The following SLC24A2 variants were observed in gnomAD, a reference collection of about 807,000 sequenced individuals.
The protein encoded by SLC24A2 is solute carrier family 24 member 2, also known as sodium/potassium/calcium exchanger 2.
In SLC24A2, 36 loss-of-function variants were observed where a neutral mutation model predicts 62.0. The ratio of observed to expected loss-of-function variants is 0.58; its 90% CI spans 0.44 to 0.77. The LOEUF (loss-of-function observed/expected upper bound fraction) is 0.77, where lower values mean the gene tolerates loss of function less well. SLC24A2 is among the 30% of genes least tolerant of loss of function. The pLI is 0.00. For missense variants in SLC24A2, 846 were observed against 817.9 expected, an observed-to-expected ratio of 1.03 and a Z score of -0.42; for synonymous variants, 358 against 294.0, an observed-to-expected ratio of 1.22 and a Z score of -2.23.
intron 2 of SLC24A2, among the ~76,000 whole-genome samples, chr9:19,636,319 CTTTCTTTCTTTCTTTCTTTCTTT>C (rs1818332954): frequency 1.4e-4 from 6 of 43,472 alleles, no homozygotes; most frequent in African/African-American, 3.1e-4. Context: ...CTTTTCTTTT[CTTTCTTTCTTTCTTTCTTTCTTT>C]CTTTCTTTCT....
chr9:19,888,846 CAA>C, the SLC24A2 span, among the ~76,000 whole-genome samples: 2 of 152,128 alleles, frequency 1.3e-5, no homozygotes, highest in African/African-American at 4.8e-5. Flanking sequence ...GACAGGAAAA[CAA>C]GGACAACTGG....
the SLC24A2 span, among the ~76,000 whole-genome samples, chr9:20,025,980 G>C: frequency 1.3e-5 from 2 of 152,122 alleles, no homozygotes; most frequent in African/African-American, 4.8e-5. Flanking sequence ...TGATAGTAAG[G>C]AATATTATGT....
At chr9:20,054,992 T>A in the SLC24A2 span, among the ~76,000 whole-genome samples, 3 of 152,244 alleles carry the variant, frequency 2.0e-5, no homozygotes, top group Admixed American at 2.0e-4. Context: ...TCATTCTGTT[T>A]ACCTGCACCA....
At chr9:19,915,436 T>C in the SLC24A2 span, among the ~76,000 whole-genome samples, 1 of 152,134 alleles carries the variant, frequency 6.6e-6, no homozygotes, top group African/African-American at 2.4e-5. Flanking sequence ...TTCAATTCTC[T>C]TGGGCATATA....
chr9:19,786,156 C>G lies in SLC24A2; in HGVS notation c.711G>C (p.Pro237=), dbSNP rs371241265. 6.2e-7 allele frequency: 1 copy of G among 1,614,092 alleles called. No individual in the cohort carries two copies. The highest frequency in any genetic ancestry group is 8.5e-7 in the Non-Finnish European group (1 of 1,180,014). The change falls in exon 2 of 11, where the codon CCG becomes CCC. Residue 237 remains proline, a synonymous_variant. Coordinates refer to ENST00000341998, the MANE Select transcript of SLC24A2 (RefSeq NM_020344.4). This position sits in a 1 kb window ranked among gnomAD's most constrained non-coding sequence, Gnocchi z 5.0. ...TGTAGAAAGACACATCTCGAAAGAG[C>G]GGCCACCATGTCAGGTTTAAGATTT... ...SREILNLTWW[P]LFRDVSFYIV... is the part of the protein sequence containing the mutation.
chr9:19,756,927 A>G, intron 2 of SLC24A2, among the ~76,000 whole-genome samples: 1 of 8,254 alleles, frequency 1.2e-4, no homozygotes, highest in Admixed American at 1.6e-3. Flanking sequence ...TTTTTTTTTT[A>G]GAGACAATGG....
chr9:20,148,991 T>TCA, the SLC24A2 span, among the ~76,000 whole-genome samples: 1 of 151,848 alleles, frequency 6.6e-6, no homozygotes, highest in East Asian at 1.9e-4. Flanking sequence ...ACTCGGGGGG[T>TCA]TTTCTTCAAC....
chr9:19,559,588 T>C (rs370257936), intron 7 of SLC24A2, among the ~76,000 whole-genome samples: 1 of 152,250 alleles, frequency 6.6e-6, no homozygotes, highest in Admixed American at 6.5e-5. Context: ...GAAGGTAAAA[T>C]TACCAAAAGT....
At chr9:19,542,559 C>A (rs147448574) in intron 8 of SLC24A2, among the ~76,000 whole-genome samples, 1 of 152,110 alleles carries the variant, frequency 6.6e-6, no homozygotes, top group East Asian at 1.9e-4. Flanking sequence ...CCATTCAGTA[C>A]GATATTGGCT....
intron 2 of SLC24A2, among the ~76,000 whole-genome samples, chr9:19,671,077 C>G: frequency 1.1e-5 from 1 of 90,802 alleles, no homozygotes; most frequent in Admixed American, 1.4e-4. Context: ...CCAAACATCA[C>G]ATGTGAAGAA....
the SLC24A2 span, among the ~76,000 whole-genome samples, chr9:19,990,635 CA>C: frequency 0.01 from 1,177 of 116,734 alleles, 19 homozygotes; most frequent in African/African-American, 0.028. Flanking sequence ...AAAAACAAAA[CA>C]AAAAAAAAAA....
the SLC24A2 span, among the ~76,000 whole-genome samples, chr9:20,130,477 G>T: frequency 6.6e-6 from 1 of 151,900 alleles, no homozygotes; most frequent in Admixed American, 6.6e-5. Context: ...AGTCTTCCAG[G>T]CAAAGGAAAC....
At chr9:19,702,956 A>AT (rs1237001975) in intron 2 of SLC24A2, among the ~76,000 whole-genome samples, 2 of 150,400 alleles carry the variant, frequency 1.3e-5, no homozygotes, top group African/African-American at 4.9e-5. Context: ...AAAAATAATA[A>AT]TTTTTAAAAA....
chr9:19,793,558 G>A (rs187268394), upstream of SLC24A2, among the ~76,000 whole-genome samples: 78 of 152,322 alleles, frequency 5.1e-4, no homozygotes, highest in Non-Finnish European at 8.7e-4. Flanking sequence ...AAAGGGAACT[G>A]ATATGTTACA....
chr9:20,297,186 C>A, the SLC24A2 span, among the ~76,000 whole-genome samples: 1 of 152,158 alleles, frequency 6.6e-6, no homozygotes, highest in Admixed American at 6.5e-5. Context: ...AAAGAACATC[C>A]TCATGACCAA....
the SLC24A2 span, among the ~76,000 whole-genome samples, chr9:19,861,911 A>G: frequency 6.6e-6 from 1 of 152,146 alleles, no homozygotes; most frequent in Non-Finnish European, 1.5e-5. Flanking sequence ...CAAAAGAAAA[A>G]AAGAATAAAA....
intron 2 of SLC24A2, among the ~76,000 whole-genome samples, chr9:19,631,451 T>C (rs761496073): frequency 6.6e-6 from 1 of 152,204 alleles, no homozygotes; most frequent in Non-Finnish European, 1.5e-5. Context: ...ACTCCTGTGT[T>C]AAAGACATCA....
the SLC24A2 span, among the ~76,000 whole-genome samples, chr9:20,301,088 T>C: frequency 6.6e-6 from 1 of 152,196 alleles, no homozygotes; most frequent in Admixed American, 6.5e-5. Context: ...TTCTCCCACC[T>C]GAAGAGGCCA....
chr9:20,019,083 G>GAGAA, the SLC24A2 span, among the ~76,000 whole-genome samples: 19 of 106,072 alleles, frequency 1.8e-4, no homozygotes, highest in South Asian at 2.9e-4. Flanking sequence ...CAGAGAAAGA[G>GAGAA]AGAAAGAAAG....
Sources: allele counts gnomAD v4.1 joint callset (sites outside exome capture counted in the v4.1 genomes callset), GRCh38; gene constraint gnomAD v4.1.1; non-coding constraint Gnocchi (gnomAD v3.1); transcripts MANE v1.5; gene names NCBI Gene and HGNC (gene_info 2026-07-23, HGNC 2026-07-21).